The following FRMD4B variants were observed in gnomAD, a reference collection of about 807,000 sequenced individuals.
The protein encoded by FRMD4B is FERM domain-containing protein 4B.
In FRMD4B, 74 loss-of-function variants were observed where a neutral mutation model predicts 141.5. The ratio of observed to expected loss-of-function variants is 0.52; its 90% CI spans 0.43 to 0.63. The LOEUF (loss-of-function observed/expected upper bound fraction) is 0.63, where lower values mean the gene tolerates loss of function less well. Ranked by LOEUF, FRMD4B falls within the 30% of genes least tolerant of loss-of-function variation. The probability of loss-of-function intolerance (pLI) is 0.00; values close to 1 mark genes in which losing one functional copy is unlikely to be tolerated. For synonymous variants in FRMD4B, 506 were observed against 467.9 expected, an observed-to-expected ratio of 1.08 and a Z score of -1.05; for missense variants, 1,366 against 1,253.4, an observed-to-expected ratio of 1.09 and a Z score of -1.36.
At chr3:69,252,281 C>G (rs1205250604) in intron 5 of FRMD4B, among the ~76,000 whole-genome samples, 1 of 152,202 alleles carries the variant, frequency 6.6e-6, no homozygotes, top group African/African-American at 2.4e-5. Context: ...CTGAGCAAGA[C>G]AAGTACCAGG....
intron 2 of FRMD4B, among the ~76,000 whole-genome samples, chr3:69,430,268 T>A (rs1705157562): frequency 6.6e-6 from 1 of 151,994 alleles, no homozygotes; most frequent in Admixed American, 6.6e-5. Flanking sequence ...CCCAGCCACC[T>A]CCCCACAATC....
chr3:69,277,038 A>T (rs2093621143), intron 5 of FRMD4B, among the ~76,000 whole-genome samples: 2 of 152,230 alleles, frequency 1.3e-5, no homozygotes, highest in Non-Finnish European at 2.9e-5. Context: ...ATGAAAGGGC[A>T]CACCTAATAA....
intron 1 of FRMD4B, among the ~76,000 whole-genome samples, chr3:69,540,613 T>TAA (rs1157655761): frequency 0.015 from 210 of 14,012 alleles, 23 homozygotes; most frequent in Admixed American, 0.032. Context: ...ACTCTGTCTC[T>TAA]AAAAAAAAAA....
chr3:69,205,077 A>AAAAAAAAAG (rs1216411200), intron 11 of FRMD4B, among the ~76,000 whole-genome samples: 1 of 150,618 alleles, frequency 6.6e-6, no homozygotes, highest in African/African-American at 2.5e-5. Context: ...AAAAAAAAGA[A>AAAAAAAAAG]AAAGAGAAAA....
At chr3:69,184,350 T>C (rs969086578) in intron 19 of FRMD4B, among the ~76,000 whole-genome samples, 2 of 152,392 alleles carry the variant, frequency 1.3e-5, no homozygotes. Context: ...CTATATATTC[T>C]TTTTCAACGC....
rs1375869368 is a variant in FRMD4B at position 69,454,291 on chromosome 3, T to A, written c.-128-21530A>T. 3.9e-5 allele frequency among the ~76,000 whole-genome samples: 6 copies of A among 152,366 alleles called. No individual in the cohort carries two copies. The East Asian group carries it at 1.2e-3, about 29-fold the overall frequency. ...GGAGGTGACAGCGTGCTGGCAGCCC[T>A]CGCTTGCTCTCTGCCCCTCCTCGGC... On this transcript the variant is annotated intron_variant, in intron 1 of 5. Coordinates refer to the FRMD4B transcript ENST00000459638.
chr3:69,347,938 C>A (rs997699978), intron 1 of FRMD4B, among the ~76,000 whole-genome samples: 2 of 152,078 alleles, frequency 1.3e-5, no homozygotes, highest in Admixed American at 6.6e-5. Context: ...GAAGCAAGAG[C>A]AAACACATTC....
chr3:69,268,926 G>T (rs2093581428), intron 5 of FRMD4B, among the ~76,000 whole-genome samples: 3 of 150,160 alleles, frequency 2.0e-5, no homozygotes, highest in Admixed American at 6.6e-5. Flanking sequence ...TTATAGATGA[G>T]AATTTTTTTT....
chr3:69,484,270 G>T (rs17006001), intron 1 of FRMD4B, among the ~76,000 whole-genome samples: 1 of 152,162 alleles, frequency 6.6e-6, no homozygotes, highest in Non-Finnish European at 1.5e-5. Flanking sequence ...TTGACTGCCC[G>T]GTCAGATTCC....
At chr3:69,424,059 T>C (rs11926441) in intron 2 of FRMD4B, among the ~76,000 whole-genome samples, 3,285 of 152,308 alleles carry the variant, frequency 0.022, 125 homozygotes, top group African/African-American at 0.074. Flanking sequence ...ACATGAATTA[T>C]AGTACTTTTG....
At chr3:69,287,276 G>A (rs377022722) in intron 5 of FRMD4B, among the ~76,000 whole-genome samples, 1 of 152,202 alleles carries the variant, frequency 6.6e-6, no homozygotes, top group Non-Finnish European at 1.5e-5. Flanking sequence ...CTGAGATACT[G>A]CTTGAAAATA....
chr3:69,479,456 T>C (rs1706074220), intron 1 of FRMD4B, among the ~76,000 whole-genome samples: 1 of 152,132 alleles, frequency 6.6e-6, no homozygotes, highest in South Asian at 2.1e-4. Flanking sequence ...TATTTCTCCT[T>C]CACTTATGAA....
At chr3:69,436,368 C>A (rs767423310) in intron 1 of FRMD4B, among the ~76,000 whole-genome samples, 5 of 152,120 alleles carry the variant, frequency 3.3e-5, no homozygotes, top group Non-Finnish European at 7.4e-5. Context: ...AATAAAAAAA[C>A]TGTAGGATAA....
intron 11 of FRMD4B, among the ~76,000 whole-genome samples, chr3:69,213,345 C>T (rs1345340438): frequency 6.8e-6 from 1 of 147,400 alleles, no homozygotes; most frequent in East Asian, 2.0e-4. Flanking sequence ...CTTCCTTGCC[C>T]TCATGAGTAT....
chr3:69,483,620 A>T (rs1706166104), intron 1 of FRMD4B, among the ~76,000 whole-genome samples: 1 of 152,192 alleles, frequency 6.6e-6, no homozygotes, highest in African/African-American at 2.4e-5. Context: ...TTTCCCTACA[A>T]TTCATGCTGG....
intron 1 of FRMD4B, among the ~76,000 whole-genome samples, chr3:69,538,149 A>G (rs917882822): frequency 1.3e-5 from 2 of 152,202 alleles, no homozygotes; most frequent in Non-Finnish European, 2.9e-5. Context: ...CTTGTCACCC[A>G]AGAAGGACCC....
rs34238889 is a variant in FRMD4B at position 69,330,340 on chromosome 3, C to CTTTTTT, written c.163-16829_163-16824dup. Reference sequence around the variant, plus strand: ...CAACATTATATTTTGATTCTTTTGCCTTTTTTTTTTTTTTTTTTTTTTTTG... The same window carrying CTTTTTT: ...CAACATTATATTTTGATTCTTTTGCCTTTTTTTTTTTTTTTTTTTTTTTTTTTTTTG... On this transcript the variant is annotated intron_variant, in intron 1 of 22. Coordinates refer to ENST00000398540, the MANE Select transcript of FRMD4B (RefSeq NM_015123.3). Among the ~76,000 whole-genome samples, 124 of 42,920 alleles carry CTTTTTT rather than the reference C, an allele frequency of 2.9e-3. 2 individuals carry two copies. Among genetic ancestry groups the CTTTTTT allele is most frequent in the African/African-American group, 0.01 (87 of 8,318 alleles). 28.2% of individuals were successfully genotyped at this position (42,920 alleles called of 152,430 possible). A position where few individuals can be genotyped will look rare whatever the true frequency, so the allele number is the denominator to read the frequency against.
chr3:69,279,274 G>A (rs917294253), intron 5 of FRMD4B, among the ~76,000 whole-genome samples: 5 of 152,060 alleles, frequency 3.3e-5, no homozygotes, highest in African/African-American at 1.2e-4. Flanking sequence ...CGGTTTCTGG[G>A]GCCAGACTAC....
At chr3:69,485,241 T>C (rs2107001721) in intron 1 of FRMD4B, among the ~76,000 whole-genome samples, 1 of 152,154 alleles carries the variant, frequency 6.6e-6, no homozygotes, top group East Asian at 1.9e-4. Context: ...CACTCAGAGA[T>C]TGGAGTGGGA....
Sources: allele counts gnomAD v4.1 joint callset (sites outside exome capture counted in the v4.1 genomes callset), GRCh38; gene constraint gnomAD v4.1.1; transcripts MANE v1.5; gene names NCBI Gene and HGNC (gene_info 2026-07-23, HGNC 2026-07-21).